Variants in FNIP1 observed in about 807,000 individuals in gnomAD.
FNIP1 encodes folliculin-interacting protein 1.
In FNIP1, 40 loss-of-function variants were observed where a neutral mutation model predicts 124.5. That is an observed-to-expected ratio of 0.32 (90% CI 0.25 to 0.42). The LOEUF (loss-of-function observed/expected upper bound fraction) is 0.42. Ranked by LOEUF, FNIP1 falls within the 10% of genes least tolerant of loss-of-function variation. FNIP1 has a pLI of 1.00. For synonymous variants in FNIP1, 472 were observed against 470.6 expected (o/e 1.00, Z -0.04); for missense variants, 1,176 against 1,403.7 (o/e 0.84, Z 2.59).
chr5:131,700,458 T>TA (rs11447611), intron 10 of FNIP1, among the ~76,000 whole-genome samples: 12,824 of 152,154 alleles, frequency 0.084, 1,169 homozygotes, highest in African/African-American at 0.23. Flanking sequence ...AAATATTGTT[T>TA]AAAAAAATAA....
intron 1 of FNIP1, among the ~76,000 whole-genome samples, chr5:131,758,136 T>C (rs1196693479): frequency 6.6e-6 from 1 of 152,192 alleles, no homozygotes; most frequent in Non-Finnish European, 1.5e-5. Flanking sequence ...TAGAATATGA[T>C]ATTAAACAAC....
chr5:131,725,342 G>A (rs1769824565), intron 3 of FNIP1, among the ~76,000 whole-genome samples: 1 of 152,180 alleles, frequency 6.6e-6, no homozygotes, highest in East Asian at 1.9e-4. Context: ...AGCATGAAAT[G>A]TTCTTCCATT....
chr5:131,690,170 C>A (rs1375025704), intron 11 of FNIP1, among the ~76,000 whole-genome samples: 3 of 151,888 alleles, frequency 2.0e-5, no homozygotes, highest in African/African-American at 7.3e-5. Flanking sequence ...TTGCAGTGAG[C>A]CAAGATCACG....
rs368265842 is a variant in FNIP1, at chr5:131,671,546, C to T, written c.2898G>A (p.Glu966=). 6 of 1,612,624 alleles carry T rather than the reference C, an allele frequency of 3.7e-6. No homozygotes were observed. The highest frequency in any genetic ancestry group is 5.1e-6 in the Non-Finnish European group (6 of 1,179,886). Residue 966 remains glutamate, a synonymous_variant, in exon 14 of 18, where the codon GAG becomes GAA. Coordinates refer to ENST00000510461, the MANE Select transcript of FNIP1 (RefSeq NM_133372.3). ...TRQVSSYYGG[E]QEDWAEEDEI... ...CATCCTCTTCTGCCCAATCTTCTTG[C>T]TCTCCTCCATAATAACTGCTAACTT...
At chr5:131,687,322 T>A (rs1284559005) in intron 11 of FNIP1, among the ~76,000 whole-genome samples, 1 of 152,204 alleles carries the variant, frequency 6.6e-6, no homozygotes, top group East Asian at 1.9e-4. Context: ...CCCAGGCTGG[T>A]CTTGAACTCC....
At chr5:131,753,314 A>G (rs1421966565) in intron 1 of FNIP1, among the ~76,000 whole-genome samples, 1 of 152,240 alleles carries the variant, frequency 6.6e-6, no homozygotes, top group East Asian at 1.9e-4. Flanking sequence ...ATGTTCACAA[A>G]TACTCTCACA....
intron 1 of FNIP1, among the ~76,000 whole-genome samples, chr5:131,777,550 T>C (rs528659492): frequency 6.6e-6 from 1 of 152,226 alleles, no homozygotes; most frequent in South Asian, 2.1e-4. Flanking sequence ...ATATCATGAC[T>C]GCAACAGACT....
chr5:131,653,474 G>A (rs1767102056), intron 15 of FNIP1, among the ~76,000 whole-genome samples: 1 of 151,970 alleles, frequency 6.6e-6, no homozygotes, highest in African/African-American at 2.4e-5. Context: ...GGGAGGCAGA[G>A]GTTGCAGTGA....
At chr5:131,794,595 A>C (rs1401073933) in intron 1 of FNIP1, among the ~76,000 whole-genome samples, 1 of 152,242 alleles carries the variant, frequency 6.6e-6, no homozygotes, top group Non-Finnish European at 1.5e-5. Flanking sequence ...CTGAATAAAC[A>C]AATCATGGTA....
At chr5:131,794,920 C>T (rs562532244) in intron 1 of FNIP1, among the ~76,000 whole-genome samples, 14 of 152,302 alleles carry the variant, frequency 9.2e-5, no homozygotes, top group African/African-American at 3.1e-4. Context: ...TGGAAGTGTT[C>T]TAAAACTTCA....
chr5:131,711,373 G>C (rs1474884365), intron 6 of FNIP1, among the ~76,000 whole-genome samples: 1 of 152,198 alleles, frequency 6.6e-6, no homozygotes, highest in East Asian at 1.9e-4. Context: ...ATTATAGCCT[G>C]AAAGCAAGCA....
chr5:131,657,416 T>A (rs1260353137), intron 15 of FNIP1, among the ~76,000 whole-genome samples: 1 of 152,144 alleles, frequency 6.6e-6, no homozygotes, highest in Non-Finnish European at 1.5e-5. Context: ...AGTTTAACAC[T>A]GCAAGTGTTG....
At chr5:131,699,913 T>C (rs1768834853) in intron 10 of FNIP1, among the ~76,000 whole-genome samples, 3 of 31,514 alleles carry the variant, frequency 9.5e-5, no homozygotes. Flanking sequence ...AGTAAGACTG[T>C]TTCAAAAAAA....
chr5:131,763,445 C>G (rs961245854), intron 1 of FNIP1, among the ~76,000 whole-genome samples: 1 of 152,164 alleles, frequency 6.6e-6, no homozygotes, highest in South Asian at 2.1e-4. Flanking sequence ...AAATGCCTTA[C>G]AGTTCTGTAG....
At chr5:131,676,863 T>C (rs1341500216) in intron 13 of FNIP1, among the ~76,000 whole-genome samples, 1 of 152,162 alleles carries the variant, frequency 6.6e-6, no homozygotes, top group Non-Finnish European at 1.5e-5. Flanking sequence ...GTTATATGAA[T>C]TGATATATGT....
intron 6 of FNIP1, among the ~76,000 whole-genome samples, chr5:131,714,194 C>T (rs2149539264): frequency 6.6e-6 from 1 of 152,332 alleles, no homozygotes; most frequent in East Asian, 1.9e-4. Context: ...TGACAACCAA[C>T]TTTGACTCAA....
At chr5:131,710,492 A>T in intron 7 of FNIP1, 86 bp downstream of exon 7, 1 of 1,246,896 alleles carries the variant, frequency 8.0e-7, no homozygotes. Context: ...AACTGCATTC[A>T]TCTACTCTCT....
At chr5:131,720,048 A>G (rs749316393) in intron 3 of FNIP1, among the ~76,000 whole-genome samples, 20 of 152,162 alleles carry the variant, frequency 1.3e-4, no homozygotes, top group Non-Finnish European at 2.8e-4. Context: ...AGCCAAATCA[A>G]CCTTGAAAAA....
At chr5:131,694,766 C>T (rs1768633063) in intron 11 of FNIP1, among the ~76,000 whole-genome samples, 1 of 152,010 alleles carries the variant, frequency 6.6e-6, no homozygotes, top group Non-Finnish European at 1.5e-5. Context: ...AATGTATTAA[C>T]ATTAGTTCAT....
Sources: gnomAD v4.1 joint callset for allele counts (sites outside exome capture counted in the v4.1 genomes callset) on GRCh38, gnomAD v4.1.1 for gene constraint, MANE v1.5 for transcripts, NCBI Gene and HGNC (gene_info 2026-07-23, HGNC 2026-07-21) for gene names.